FLT1: variants seen among roughly 807,000 people sequenced by gnomAD.
FLT1 encodes the protein vascular endothelial growth factor receptor 1.
In FLT1, 49 loss-of-function variants were observed where a neutral mutation model predicts 156.3. The observed-to-expected ratio is 0.31, with a 90% CI of 0.25 to 0.40. The LOEUF (loss-of-function observed/expected upper bound fraction) is 0.40, where lower values mean the gene tolerates loss of function less well. Among genes scored for constraint, FLT1 ranks in the 10% least tolerant of loss-of-function variants. The probability of loss-of-function intolerance (pLI) is 1.00; values close to 1 mark genes in which losing one functional copy is unlikely to be tolerated. For synonymous variants in FLT1, 594 were observed against 583.8 expected (o/e 1.02, Z -0.25); for missense variants, 1,322 against 1,637.2 (o/e 0.81, Z 3.32).
chr13:28,405,515 G>A (rs1940286446), intron 11 of FLT1, among the ~76,000 whole-genome samples: 1 of 152,172 alleles, frequency 6.6e-6, no homozygotes, highest in Non-Finnish European at 1.5e-5. Context: ...AGCCAGGACT[G>A]TGAACCACCA....
intron 24 of FLT1, among the ~76,000 whole-genome samples, chr13:28,317,947 C>T (rs1871273085): frequency 7.2e-6 from 1 of 139,840 alleles, no homozygotes; most frequent in Admixed American, 7.7e-5. Flanking sequence ...GAGACTCATC[C>T]TTTGGGTTAG....
intron 23 of FLT1, among the ~76,000 whole-genome samples, chr13:28,319,963 A>T (rs1256439138): frequency 1.3e-5 from 2 of 152,254 alleles, no homozygotes; most frequent in Non-Finnish European, 2.9e-5. Context: ...ATGCAAAAAG[A>T]CAAGATTTCC....
At chr13:28,354,786 T>C (rs1036211500) in intron 15 of FLT1, among the ~76,000 whole-genome samples, 2 of 151,894 alleles carry the variant, frequency 1.3e-5, no homozygotes, top group Non-Finnish European at 2.9e-5. Flanking sequence ...GGGGCAATAA[T>C]GAACAAAATA....
chr13:28,329,756 G>T, intron 18 of FLT1, 28 bp from the exon 19 acceptor site: 12 of 1,574,698 alleles, frequency 7.6e-6, no homozygotes, highest in Non-Finnish European at 1.0e-5. Context: ...AAGAGTCAGG[G>T]CGACAGGACA....
intron 3 of FLT1, among the ~76,000 whole-genome samples, chr13:28,442,181 T>C (rs1380879247): frequency 6.6e-6 from 1 of 152,258 alleles, no homozygotes; most frequent in East Asian, 1.9e-4. Context: ...AGCCATGGAC[T>C]ATTGGGATTT....
intron 10 of FLT1, among the ~76,000 whole-genome samples, chr13:28,418,246 A>G (rs116945691): frequency 0.032 from 4,893 of 152,058 alleles, 206 homozygotes; most frequent in Admixed American, 0.11. Flanking sequence ...TCTACTCCCA[A>G]CTGCAGATCT....
intron 3 of FLT1, among the ~76,000 whole-genome samples, chr13:28,456,975 G>A (rs1277415880): frequency 6.6e-6 from 1 of 152,098 alleles, no homozygotes; most frequent in African/African-American, 2.4e-5. Context: ...AACACCAAGG[G>A]TGAACCCTCA....
intron 16 of FLT1, among the ~76,000 whole-genome samples, chr13:28,343,308 T>A (rs1423215187): frequency 6.6e-6 from 1 of 151,476 alleles, no homozygotes; most frequent in East Asian, 1.9e-4. Flanking sequence ...TTCTTTTCTT[T>A]TTTTTTTTTG....
chr13:28,404,795 G>A (rs1189505648), intron 11 of FLT1, among the ~76,000 whole-genome samples: 1 of 152,110 alleles, frequency 6.6e-6, no homozygotes, highest in Non-Finnish European at 1.5e-5. Context: ...CGAGGCAGGT[G>A]GATCACCTGA....
At chr13:28,473,666 A>AG (rs1880309937) in intron 1 of FLT1, among the ~76,000 whole-genome samples, 3 of 130,390 alleles carry the variant, frequency 2.3e-5, no homozygotes, top group African/African-American at 1.0e-4. Flanking sequence ...AGAAAGAAAG[A>AG]AAGAAAGAGA....
chr13:28,324,109 G>A (rs930519427), intron 20 of FLT1, among the ~76,000 whole-genome samples: 4 of 152,134 alleles, frequency 2.6e-5, no homozygotes, highest in African/African-American at 9.7e-5. Flanking sequence ...TCAGTTCTGG[G>A]TGTTCATGGG....
chr13:28,409,840 C>G (rs1203458457), intron 10 of FLT1, among the ~76,000 whole-genome samples: 6 of 151,036 alleles, frequency 4.0e-5, no homozygotes, highest in Non-Finnish European at 8.8e-5. Flanking sequence ...AATACCATTA[C>G]TATGTTGAGG....
At chr13:28,395,238 T>C (rs182544235) in intron 12 of FLT1, among the ~76,000 whole-genome samples, 1 of 152,166 alleles carries the variant, frequency 6.6e-6, no homozygotes, top group Admixed American at 6.5e-5. Context: ...AGACGTATGG[T>C]TTGTGGGCCT....
intron 10 of FLT1, among the ~76,000 whole-genome samples, chr13:28,417,808 C>T (rs1027978371): frequency 1.3e-5 from 2 of 151,908 alleles, no homozygotes; most frequent in South Asian, 2.1e-4. Context: ...GTGAATTAAT[C>T]GTTTGAAGTG....
In FLT1 at chr13:28,440,297, C is replaced by T. The variant is rs143318193; in HGVS notation, c.389-1952G>A. ...GAATGAGTGAACGGGTATCCAACCC[C>T]GTCCTTTTACAGATGAGAAAAGAGG... On this transcript the variant is annotated intron_variant, in intron 3 of 29. Coordinates refer to ENST00000282397, the MANE Select transcript of FLT1 (RefSeq NM_002019.4). 2.3e-4 allele frequency among the ~76,000 whole-genome samples: 35 copies of T among 152,288 alleles called. 1 individual carries two copies. In the East Asian group the frequency reaches 5.8e-3, roughly 25 times the overall value.
At position 28,467,414 on chromosome 13, in the gene FLT1, G is replaced by T. The variant is rs117017823; in HGVS notation, c.161+107C>A. 1,438 of 790,238 alleles carry T rather than the reference G, an allele frequency of 1.8e-3. 32 individuals carry two copies. In the East Asian group the frequency reaches 0.036, roughly 20 times the overall value. The allele number at this position is 790,238 out of a possible 1,614,324, so 49.0% of individuals were successfully genotyped here. A position where few individuals can be genotyped will look rare whatever the true frequency, so the allele number is the denominator to read the frequency against. On this transcript the variant is annotated intron_variant, in intron 2 of 29. Coordinates refer to ENST00000282397, the MANE Select transcript of FLT1 (RefSeq NM_002019.4). ...GCTGGATGCCTATGGTTTGCACTTT[G>T]CAGATCACAGGAGATCACTGAGGTC...
chr13:28,467,129 C>T lies in FLT1; in HGVS notation c.162G>A (p.Arg54=), dbSNP rs141440705. 8.1e-6 allele frequency: 13 copies of T among 1,610,940 alleles called. No homozygotes were observed. In the East Asian group the frequency reaches 2.2e-4, roughly 28 times the overall value. The change falls in exon 3 of 30, where the codon AGG becomes AGA. Residue 54 remains arginine, a splice_region_variant and synonymous_variant. Coordinates refer to ENST00000282397, the MANE Select transcript of FLT1 (RefSeq NM_002019.4). ...QAGQTLHLQC[R]GEAAHKWSLP... is the part of the protein sequence containing the mutation. ...AAGACCATTTATGGGCTGCTTCCCC[C>T]CTGCAATCACAGATAAGAAAACAAA...
intron 6 of FLT1, 81 bp downstream of exon 6, chr13:28,433,738 T>G: frequency 7.3e-7 from 1 of 1,377,042 alleles, no homozygotes; most frequent in Non-Finnish European, 1.0e-6. Context: ...TTTTCTGATT[T>G]TTCCCATCTC....
rs1874593877 is a variant in FLT1, at chr13:28,389,849, C to G, written c.1916G>C (p.Arg639Thr). The G allele has an allele frequency of 1.9e-6, 3 of 1,614,126 alleles. No individual in the cohort carries two copies. Among genetic ancestry groups the G allele is most frequent in the Non-Finnish European group, 2.5e-6 (3 of 1,179,998 alleles). ...GATTTCTTCCCCTGTGTATACATTCCTGGCTCTGCAGGCATAGGTGCCTGA... is the reference window on the plus strand; with the variant it reads ...GATTTCTTCCCCTGTGTATACATTCGTGGCTCTGCAGGCATAGGTGCCTGA... ...QDSGTYACRA[R>T]NVYTGEEILQ... is the part of the protein sequence containing the mutation. Residue 639 changes from arginine to threonine, a missense_variant, in exon 13 of 30, where the codon AGG becomes ACG. Physicochemically the swap from Arg to Thr is moderately conservative, Grantham distance 71 (BLOSUM62 -1). Transcript: ENST00000282397.
Sources: allele counts gnomAD v4.1 joint callset (sites outside exome capture counted in the v4.1 genomes callset), GRCh38; gene constraint gnomAD v4.1.1; transcripts MANE v1.5; gene names NCBI Gene and HGNC (gene_info 2026-07-23, HGNC 2026-07-21).